Variants in ACP1 observed in about 807,000 individuals in gnomAD.
The protein encoded by ACP1 is low molecular weight phosphotyrosine protein phosphatase.
A neutral mutation model predicts 23.4 loss-of-function variants in ACP1; 23 were observed. The observed-to-expected ratio is 0.98, with a 90% CI of 0.71 to 1.39. The LOEUF (loss-of-function observed/expected upper bound fraction) is 1.39, where lower values mean the gene tolerates loss of function less well. Ranked by LOEUF, ACP1 falls within the 40% of genes most tolerant of loss-of-function variation. The probability of loss-of-function intolerance (pLI) is 0.00; values close to 1 mark genes in which losing one functional copy is unlikely to be tolerated. For missense variants in ACP1, 180 were observed against 197.7 expected, an observed-to-expected ratio of 0.91 and a Z score of 0.54; for synonymous variants, 72 against 67.2, an observed-to-expected ratio of 1.07 and a Z score of -0.35.
Position 275,197 on chromosome 2 carries a change from C to T in ACP1, c.289C>T (p.Leu97=). The change falls in exon 4 of 6, where the codon CTG becomes TTG. Residue 97 remains leucine (L), a synonymous_variant. Coordinates refer to ENST00000272065, the MANE Select transcript of ACP1 (RefSeq NM_004300.4). ...TATACTATGTATGGATGAAAGCAAT[C>T]TGAGGTAATCCTGTTTTTGAAGAAT... ...DYILCMDESN[L]RDLNRKSNQV... 1 of 1,519,592 alleles carries T rather than the reference C, an allele frequency of 6.6e-7. No homozygotes were observed. The highest frequency in any genetic ancestry group is 9.0e-7 in the Non-Finnish European group (1 of 1,108,284). 94.1% of individuals were successfully genotyped at this position (1,519,592 alleles called of 1,614,324 possible).
intron 1 of ACP1, among the ~76,000 whole-genome samples, chr2:266,677 G>T (rs959468729): frequency 2.6e-5 from 4 of 152,264 alleles, no homozygotes; most frequent in South Asian, 2.1e-4. Flanking sequence ...AACTGTGGTC[G>T]CAACTTTTGC....
chr2:268,591 G>C (rs1207521465), intron 1 of ACP1, among the ~76,000 whole-genome samples: 1 of 152,188 alleles, frequency 6.6e-6, no homozygotes, highest in Non-Finnish European at 1.5e-5. Flanking sequence ...CTCTTACCAG[G>C]TATAGCAGAC....
In ACP1 at chr2:276,921, G is replaced by A; in HGVS notation, c.294-59G>A. ...GATGTTTCAGAACACCCTAGCAGAT[G>A]TCCCTGTTTAACTTGAAACCATAGA... On this transcript the variant is annotated intron_variant, in intron 4 of 5. Transcript: ENST00000272065. The A allele has an allele frequency of 3.9e-6, 4 of 1,022,366 alleles. No individual in the cohort carries two copies. The East Asian group carries it at 9.5e-5, about 24-fold the overall frequency. The allele number at this position is 1,022,366 out of a possible 1,614,324, so 63.3% of individuals were successfully genotyped here.
At chr2:273,041 C>G (rs1399229646) in intron 3 of ACP1, 1 of 154,464 alleles carries the variant, frequency 6.5e-6, no homozygotes, top group Non-Finnish European at 1.5e-5. Context: ...TTGGAGAAGT[C>G]CAAAGCCAAG....
rs1310093778 is a variant in ACP1, at chr2:272,094, C to T, written c.175C>T (p.Arg59Ter). 25 of 1,614,058 alleles carry T rather than the reference C, an allele frequency of 1.5e-5. No individual in the cohort carries two copies. The highest frequency in any genetic ancestry group is 6.7e-5 in the East Asian group (3 of 44,888). The change falls in exon 3 of 6, where the codon CGA (arginine) becomes TGA (stop). Residue 59 changes from arginine (R) to a stop codon, truncating the protein, a stop_gained. Transcript: ENST00000272065. LOFTEE classifies it high-confidence loss of function. ...GYEIGNPPDY[R>*]GQSCMKRHGI... ...TGAGATAGGGAACCCCCCTGACTAC[C>T]GAGGGCAGAGCTGCATGAAGAGGCA...
chr2:271,276 G>A (rs1162788944), intron 1 of ACP1, among the ~76,000 whole-genome samples: 1 of 152,124 alleles, frequency 6.6e-6, no homozygotes, highest in African/African-American at 2.4e-5. Context: ...GGATTTATTC[G>A]AGGAATTTTT....
chr2:274,119 C>T (rs1399021331), intron 3 of ACP1, among the ~76,000 whole-genome samples: 1 of 152,178 alleles, frequency 6.6e-6, no homozygotes, highest in African/African-American at 2.4e-5. Context: ...GCTATGATCA[C>T]ACCACTGTAC....
At chr2:273,904 C>T (rs1181657400) in intron 3 of ACP1, among the ~76,000 whole-genome samples, 1 of 152,140 alleles carries the variant, frequency 6.6e-6, no homozygotes, top group Non-Finnish European at 1.5e-5. Flanking sequence ...GTGGCTCACA[C>T]TTATAATCCT....
rs560022786 is a variant in ACP1, at chr2:273,683, A to G, written c.232-1457A>G. On this transcript the variant is annotated intron_variant, in intron 3 of 5. Coordinates refer to ENST00000272065, the MANE Select transcript of ACP1 (RefSeq NM_004300.4). ...ACAAGCTGTTTCATTTATAGCTGCAAGTGGAAATCCTTTATTGTGCATTTG... is the reference window on the plus strand; with the variant it reads ...ACAAGCTGTTTCATTTATAGCTGCAGGTGGAAATCCTTTATTGTGCATTTG... Among the ~76,000 whole-genome samples the G allele has an allele frequency of 3.3e-5, 5 of 152,334 alleles. No individual in the cohort carries two copies. In the South Asian group the frequency reaches 1.0e-3, roughly 32 times the overall value.
intron 1 of ACP1, among the ~76,000 whole-genome samples, chr2:271,532 C>T (rs979313681): frequency 2.6e-5 from 4 of 152,140 alleles, no homozygotes; most frequent in African/African-American, 9.7e-5. Flanking sequence ...AAGCTGGTTG[C>T]AACCCACTTC....
Position 277,305 on chromosome 2 carries a change from G to A in ACP1, c.*1G>A, listed in dbSNP as rs1271238786. 8 of 1,612,360 alleles carry A rather than the reference G, an allele frequency of 5.0e-6. No homozygotes were observed. Among genetic ancestry groups the A allele is most frequent in the Non-Finnish European group, 5.9e-6 (7 of 1,180,014 alleles). On this transcript the variant is annotated 3_prime_UTR_variant, in exon 6 of 6. Coordinates refer to ENST00000272065, the MANE Select transcript of ACP1 (RefSeq NM_004300.4). ...AGCGTTCTTGGAGAAGGCCCACTGA[G>A]GCAGGTTCGTGCCCTGCTGCGGCCA...
chr2:271,012 T>C (rs1194707813), intron 1 of ACP1, among the ~76,000 whole-genome samples: 1 of 152,208 alleles, frequency 6.6e-6, no homozygotes, highest in Non-Finnish European at 1.5e-5. Flanking sequence ...AAAGTAAGGA[T>C]GGCCCTGATG....
At chr2:268,681 A>G (rs1319703801) in intron 1 of ACP1, among the ~76,000 whole-genome samples, 1 of 152,260 alleles carries the variant, frequency 6.6e-6, no homozygotes, top group African/African-American at 2.4e-5. Flanking sequence ...AGGGTATAAA[A>G]TAGTCTGCCT....
intron 4 of ACP1, 174 bp downstream of exon 4, chr2:275,375 C>A: frequency 2.5e-6 from 1 of 392,568 alleles, no homozygotes; most frequent in Non-Finnish European, 4.6e-6. Flanking sequence ...CTAGAATTGT[C>A]TCTTAGGTAT....
In ACP1 at chr2:271,731, A is replaced by G. The variant is rs1356291379; in HGVS notation, c.44-135A>G. The G allele has an allele frequency of 5.4e-6, 4 of 738,556 alleles. No homozygotes were observed. In the African/African-American group the frequency reaches 6.9e-5, roughly 13 times the overall value. 45.8% of individuals were successfully genotyped at this position (738,556 alleles called of 1,614,324 possible). A position where few individuals can be genotyped will look rare whatever the true frequency, so the allele number is the denominator to read the frequency against. On this transcript the variant is annotated intron_variant, in intron 1 of 5. Transcript: ENST00000272065. ...CCCTCACTGGTTGGACAAAGGCGTC[A>G]AAGGATAGTGTTGGCCTTTGTTTTT...
rs1318025218 is a variant in ACP1 at position 275,189 on chromosome 2, A to AT, written c.281_282insT (p.Glu94AspfsTer9). On this transcript the variant is annotated frameshift_variant, in exon 4 of 6. Coordinates refer to ENST00000272065, the MANE Select transcript of ACP1 (RefSeq NM_004300.4). LOFTEE classifies it high-confidence loss of function. ...TTTGATTATATACTATGTATGGATG[A>AT]AAGCAATCTGAGGTAATCCTGTTTT... 6.5e-7 allele frequency: 1 copy of AT among 1,536,452 alleles called. No individual in the cohort carries two copies. Among genetic ancestry groups the AT allele is most frequent in the East Asian group, 2.3e-5 (1 of 44,056 alleles).
chr2:267,046 G>A (rs144815965), intron 1 of ACP1, among the ~76,000 whole-genome samples: 2 of 152,298 alleles, frequency 1.3e-5, no homozygotes, highest in Non-Finnish European at 2.9e-5. Flanking sequence ...TTCTGGGGCA[G>A]GACGGAATGG....
In ACP1 at chr2:271,941, T is replaced by G; in HGVS notation, c.117+2T>G. The G allele has an allele frequency of 6.2e-7, 1 of 1,609,924 alleles. No individual in the cohort carries two copies. The highest frequency in any genetic ancestry group is 2.2e-5 in the East Asian group (1 of 44,734). On this transcript the variant is annotated splice_donor_variant, in intron 2 of 5. Transcript: ENST00000272065. LOFTEE classifies it high-confidence loss of function. ...ACCGATCAAAACATCTCAGAGAATG[T>G]AAGTACCATTCATTATCTTAAAGAG... is the stretch of plus-strand genomic sequence containing the variant.
chr2:272,498 T>C, intron 3 of ACP1: 1 of 1,429,522 alleles, frequency 7.0e-7, no homozygotes, highest in Middle Eastern at 2.6e-4. Context: ...ATTTACTTAT[T>C]AAAATGCACA....
Sources: gnomAD v4.1 joint callset for allele counts (sites outside exome capture counted in the v4.1 genomes callset) on GRCh38, gnomAD v4.1.1 for gene constraint, MANE v1.5 for transcripts, NCBI Gene and HGNC (gene_info 2026-07-23, HGNC 2026-07-21) for gene names.